Variants in DOCK1 observed in about 807,000 individuals in gnomAD.
DOCK1 encodes the protein dedicator of cytokinesis 1.
Under a neutral mutation model 262.7 loss-of-function variants are expected in DOCK1, and 138 were observed. The ratio of observed to expected loss-of-function variants is 0.53; its 90% CI spans 0.46 to 0.61. DOCK1 has a LOEUF of 0.61. Ranked by LOEUF, DOCK1 falls within the 20% of genes least tolerant of loss-of-function variation. The probability of loss-of-function intolerance (pLI) is 0.00; values close to 1 mark genes in which losing one functional copy is unlikely to be tolerated. For missense variants in DOCK1, 1,908 were observed against 2,370.7 expected (o/e 0.80, Z 4.05); for synonymous variants, 866 against 867.4 (o/e 1.00, Z 0.03).
rs749242714 is a variant in DOCK1 at position 127,175,831 on chromosome 10, C to G, written c.2847+48067C>G. On this transcript the variant is annotated intron_variant, in intron 27 of 51. Transcript: ENST00000623213. The surrounding 1 kb of genome is among the most constrained non-coding windows in gnomAD (Gnocchi z 6.3). ...TTACAGGGCTCTGTGCAGTTGACCC[C>G]CAAAGGCTGGTCCACTGTGTTCATG... 12 of 1,614,112 alleles carry G rather than the reference C, an allele frequency of 7.4e-6. No individual in the cohort carries two copies. The highest frequency in any genetic ancestry group is 6.8e-6 in the Non-Finnish European group (8 of 1,180,014).
chr10:126,933,496 C>A (rs1270799952), intron 1 of DOCK1, among the ~76,000 whole-genome samples: 1 of 152,152 alleles, frequency 6.6e-6, no homozygotes, highest in Non-Finnish European at 1.5e-5. Context: ...CTGTAGAGCT[C>A]CCTGTACTTC....
intron 27 of DOCK1, among the ~76,000 whole-genome samples, chr10:127,193,513 T>C (rs1412398328): frequency 6.6e-6 from 1 of 152,230 alleles, no homozygotes; most frequent in Non-Finnish European, 1.5e-5. Flanking sequence ...ATAAGTCACC[T>C]GCTTCTCATA....
At position 127,411,159 on chromosome 10, in the gene DOCK1, G is replaced by A. The variant is rs147189026; in HGVS notation, c.4428+235G>A. On this transcript the variant is annotated intron_variant, in intron 43 of 51. Transcript: ENST00000623213. ...AGATATTTAATAAGGAGACTGTGCC[G>A]TCCAAATGCCGGAGCTCCCATATGA... Among the ~76,000 whole-genome samples, 330 of 152,264 alleles carry A rather than the reference G, an allele frequency of 2.2e-3. 1 individual carries two copies. The highest frequency in any genetic ancestry group is 7.2e-3 in the African/African-American group (299 of 41,556).
intron 1 of DOCK1, among the ~76,000 whole-genome samples, chr10:126,934,116 C>A (rs1466735800): frequency 2.0e-5 from 3 of 152,146 alleles, no homozygotes; most frequent in African/African-American, 7.2e-5. Flanking sequence ...TGCACCCAAC[C>A]TATTTTACTC....
intron 27 of DOCK1, among the ~76,000 whole-genome samples, chr10:127,134,440 G>A (rs1329095027): frequency 1.3e-5 from 2 of 152,154 alleles, no homozygotes; most frequent in African/African-American, 4.8e-5. Flanking sequence ...AGGTAGCAAG[G>A]TTTTCCCATA....
intron 1 of DOCK1, among the ~76,000 whole-genome samples, chr10:126,937,120 A>G (rs2034605390): frequency 6.6e-6 from 1 of 152,202 alleles, no homozygotes; most frequent in Non-Finnish European, 1.5e-5. Context: ...TATTTCACTT[A>G]GTTTAAAGCC....
In DOCK1 at chr10:127,315,518, T is replaced by A. The variant is rs558220187; in HGVS notation, c.3045-23488T>A. Reference sequence around the variant, plus strand: ...GAGGCCTCAGAATGAAACCAACACATCTCACACCTTGATCTTGAACTTCAG... The same window carrying A: ...GAGGCCTCAGAATGAAACCAACACAACTCACACCTTGATCTTGAACTTCAG... On this transcript the variant is annotated intron_variant, in intron 29 of 51. Coordinates refer to ENST00000623213, the MANE Select transcript of DOCK1 (RefSeq NM_001290223.2). Among the ~76,000 whole-genome samples, 6 of 152,068 alleles carry A rather than the reference T, an allele frequency of 3.9e-5. No homozygotes were observed. The South Asian group carries it at 6.2e-4, about 16-fold the overall frequency.
chr10:127,397,535 C>G (rs189272388), intron 38 of DOCK1, among the ~76,000 whole-genome samples: 1 of 148,864 alleles, frequency 6.7e-6, no homozygotes, highest in East Asian at 2.0e-4. Context: ...CGGGCGGTGT[C>G]TCCTATGTGA....
chr10:127,250,791 CAAAAAAAAAAAAAA>C lies in DOCK1; in HGVS notation c.2949+2700_2949+2713del, dbSNP rs1180814401. ...TGGGCGACACAGTGAGACTCCGTCT[CAAAAAAAAAAAAAA>C]AAAAAAAAAAAAAAAAATGACGTTT... On this transcript the variant is annotated intron_variant, in intron 28 of 51. Coordinates refer to ENST00000623213, the MANE Select transcript of DOCK1 (RefSeq NM_001290223.2). 2.3e-3 allele frequency among the ~76,000 whole-genome samples: 149 copies of C among 64,080 alleles called. 2 individuals are homozygous for C. Among genetic ancestry groups the C allele is most frequent in the African/African-American group, 9.3e-3 (134 of 14,400 alleles). The allele number at this position is 64,080 out of a possible 152,430, so 42.0% of individuals were successfully genotyped here.
chr10:127,274,256 A>G (rs2060666670), intron 29 of DOCK1, among the ~76,000 whole-genome samples: 1 of 152,166 alleles, frequency 6.6e-6, no homozygotes, highest in African/African-American at 2.4e-5. Context: ...GAAACCATAT[A>G]TACCTCCAAT....
At chr10:126,920,443 A>AC (rs1037232789) in intron 1 of DOCK1, among the ~76,000 whole-genome samples, 77 of 152,224 alleles carry the variant, frequency 5.1e-4, no homozygotes, top group African/African-American at 1.8e-3. Context: ...TCATTGTGGG[A>AC]CCCCAGTGGG....
At chr10:127,370,502 A>T (rs557582777) in intron 33 of DOCK1, among the ~76,000 whole-genome samples, 1 of 152,184 alleles carries the variant, frequency 6.6e-6, no homozygotes, top group East Asian at 1.9e-4. Context: ...TTACAGATGT[A>T]TAAAATTATA....
Position 127,085,841 on chromosome 10 carries a change from G to T in DOCK1, c.2446-20390G>T, listed in dbSNP as rs12262224. Among the ~76,000 whole-genome samples, 1,019 of 152,220 alleles carry T rather than the reference G, an allele frequency of 6.7e-3. 6 individuals carry two copies. The highest frequency in any genetic ancestry group is 0.012 in the Admixed American group (179 of 15,270). The stretch of plus-strand genomic sequence containing the variant: ...TCATAGAGAACAGATCTAAATTATA[G>T]AAGCCATTATTATTATTTTTCACCA... On this transcript the variant is annotated intron_variant, in intron 23 of 51. Coordinates refer to ENST00000623213, the MANE Select transcript of DOCK1 (RefSeq NM_001290223.2).
intron 1 of DOCK1, among the ~76,000 whole-genome samples, 156 bp downstream of exon 1, chr10:126,905,719 G>A (rs1306604362): frequency 6.7e-6 from 1 of 148,722 alleles, no homozygotes; most frequent in African/African-American, 2.4e-5. Flanking sequence ...CGCAATGCCC[G>A]GCGACCCCGG....
intron 46 of DOCK1, among the ~76,000 whole-genome samples, chr10:127,422,415 T>G (rs951577364): frequency 2.0e-5 from 3 of 152,144 alleles, no homozygotes; most frequent in Non-Finnish European, 4.4e-5. Context: ...TCCGCCCACC[T>G]CAGCCTCCCA....
chr10:127,260,787 G>A (rs1259085358), intron 29 of DOCK1, among the ~76,000 whole-genome samples: 5 of 131,830 alleles, frequency 3.8e-5, no homozygotes, highest in South Asian at 2.3e-4. Context: ...GTGGGTGTGT[G>A]TGTGTACCCG....
chr10:127,235,344 T>G (rs954797757), intron 27 of DOCK1, among the ~76,000 whole-genome samples: 12 of 88,610 alleles, frequency 1.4e-4, no homozygotes, highest in Admixed American at 2.8e-4. Context: ...GTCACTCTAG[T>G]ACTGCCTTTT....
At chr10:126,988,382 A>C (rs750261601) in intron 5 of DOCK1, 2 of 152,146 alleles carry the variant, frequency 1.3e-5, no homozygotes, top group Non-Finnish European at 2.9e-5. Context: ...AACATAGAAA[A>C]CTTCCTAAAG....
intron 29 of DOCK1, among the ~76,000 whole-genome samples, chr10:127,332,123 G>A (rs930927705): frequency 2.0e-5 from 3 of 152,204 alleles, no homozygotes; most frequent in East Asian, 1.9e-4. Flanking sequence ...CATCCAGCAC[G>A]TCACTCTGTT....
Sources: gnomAD v4.1 joint callset for allele counts (sites outside exome capture counted in the v4.1 genomes callset) on GRCh38, gnomAD v4.1.1 for gene constraint, Gnocchi (gnomAD v3.1) non-coding constraint, MANE v1.5 for transcripts, NCBI Gene and HGNC (gene_info 2026-07-23, HGNC 2026-07-21) for gene names.